Variants in VPS13B observed in about 807,000 individuals in gnomAD.
The protein encoded by VPS13B is intermembrane lipid transfer protein VPS13B.
In VPS13B, 285 loss-of-function variants were observed where a neutral mutation model predicts 426.4. The observed-to-expected ratio is 0.67, with a 90% confidence interval of 0.61 to 0.74. The LOEUF (loss-of-function observed/expected upper bound fraction) is 0.74, where lower values mean the gene tolerates loss of function less well. Ranked by LOEUF, VPS13B falls within the 30% of genes least tolerant of loss-of-function variation. VPS13B has a pLI of 0.00. For synonymous variants in VPS13B, 1,676 were observed against 1,676.4 expected, an observed-to-expected ratio of 1.00 and a Z score of 0.01; for missense variants, 4,537 against 4,782.6, an observed-to-expected ratio of 0.95 and a Z score of 1.51.
intron 17 of VPS13B, among the ~76,000 whole-genome samples, chr8:99,202,291 A>G (rs1814377185): frequency 6.6e-6 from 1 of 152,228 alleles, no homozygotes; most frequent in African/African-American, 2.4e-5. Context: ...CTTAGTGAAG[A>G]AAGTGTACAT....
At chr8:99,797,922 C>G (rs955655581) in intron 43 of VPS13B, among the ~76,000 whole-genome samples, 1 of 152,076 alleles carries the variant, frequency 6.6e-6, no homozygotes, top group African/African-American at 2.4e-5. Context: ...AATAGTTTCC[C>G]AGAAATCTAC....
chr8:99,824,488 AAAAT>A (rs1228622401), intron 51 of VPS13B, among the ~76,000 whole-genome samples: 1 of 152,234 alleles, frequency 6.6e-6, no homozygotes, highest in African/African-American at 2.4e-5. Context: ...GAATATATGG[AAAAT>A]AAATCTAAGA....
At chr8:99,150,372 T>C (rs1811001893) in intron 14 of VPS13B, among the ~76,000 whole-genome samples, 3 of 152,346 alleles carry the variant, frequency 2.0e-5, no homozygotes, top group Middle Eastern at 6.8e-3. Context: ...TTACAATTGA[T>C]GAACCTGTAT....
intron 2 of VPS13B, among the ~76,000 whole-genome samples, chr8:99,014,692 CAAA>C (rs574786628): frequency 3.3e-5 from 2 of 61,234 alleles, no homozygotes; most frequent in Non-Finnish European, 7.9e-5. Flanking sequence ...GAAAAAAAGA[CAAA>C]AAAAAAAAAA....
chr8:99,070,132 T>C (rs1389019367), intron 3 of VPS13B, among the ~76,000 whole-genome samples: 2 of 152,226 alleles, frequency 1.3e-5, no homozygotes, highest in African/African-American at 4.8e-5. Flanking sequence ...TAGGCTTGTC[T>C]TGAAATCCTG....
At chr8:99,090,951 G>A (rs957996498) in intron 3 of VPS13B, among the ~76,000 whole-genome samples, 1 of 152,070 alleles carries the variant, frequency 6.6e-6, no homozygotes, top group African/African-American at 2.4e-5. Context: ...AAAAAAAGTG[G>A]GAGAGGGAGG....
chr8:99,849,232 G>T (rs1435153377), intron 55 of VPS13B, among the ~76,000 whole-genome samples: 3 of 152,076 alleles, frequency 2.0e-5, no homozygotes, highest in African/African-American at 7.2e-5. Flanking sequence ...ATAAAACTTA[G>T]CAATTAGAGC....
intron 33 of VPS13B, among the ~76,000 whole-genome samples, chr8:99,594,129 T>G (rs1311418331): frequency 1.3e-5 from 2 of 151,586 alleles, no homozygotes; most frequent in Non-Finnish European, 2.9e-5. Flanking sequence ...TAAGAGAGAA[T>G]GGAGAGAATT....
intron 39 of VPS13B, among the ~76,000 whole-genome samples, 169 bp downstream of exon 39, chr8:99,721,216 T>TA (rs1279905942): frequency 1.3e-5 from 2 of 152,170 alleles, no homozygotes; most frequent in African/African-American, 4.8e-5. Context: ...AATGGGATTT[T>TA]AAAAAATAAG....
At chr8:99,332,602 C>G (rs3110398) in intron 19 of VPS13B, among the ~76,000 whole-genome samples, 111,200 of 151,412 alleles carry the variant, frequency 0.73, 41,581 homozygotes, top group South Asian at 0.87. Flanking sequence ...TCTGCATCCT[C>G]AGTTCAGTGC....
intron 39 of VPS13B, among the ~76,000 whole-genome samples, chr8:99,757,969 C>G (rs1052823286): frequency 6.6e-6 from 1 of 152,170 alleles, no homozygotes; most frequent in African/African-American, 2.4e-5. Flanking sequence ...TTCCCACTTC[C>G]CATGACTCAG....
At chr8:99,194,854 C>CT (rs1004935361) in intron 17 of VPS13B, among the ~76,000 whole-genome samples, 10 of 151,440 alleles carry the variant, frequency 6.6e-5, no homozygotes, top group African/African-American at 1.9e-4. Flanking sequence ...TTTCTTTTTT[C>CT]TTTTTTTTGT....
intron 33 of VPS13B, among the ~76,000 whole-genome samples, chr8:99,585,774 A>G (rs1235533694): frequency 6.6e-6 from 1 of 152,196 alleles, no homozygotes; most frequent in African/African-American, 2.4e-5. Context: ...ACAATAAGAC[A>G]AGAATGTCTG....
At chr8:99,744,793 G>A (rs975088851) in intron 39 of VPS13B, among the ~76,000 whole-genome samples, 3 of 151,626 alleles carry the variant, frequency 2.0e-5, no homozygotes, top group African/African-American at 7.3e-5. Context: ...ACACAGGAAG[G>A]GGAACATCAC....
At chr8:99,434,349 A>G (rs2133419356) in intron 22 of VPS13B, among the ~76,000 whole-genome samples, 1 of 152,302 alleles carries the variant, frequency 6.6e-6, no homozygotes, top group East Asian at 1.9e-4. Flanking sequence ...GTGGATGAAA[A>G]CACAGATGGT....
chr8:99,681,428 C>G (rs141271929), intron 35 of VPS13B, among the ~76,000 whole-genome samples: 26 of 152,318 alleles, frequency 1.7e-4, no homozygotes, highest in Non-Finnish European at 2.9e-4. Flanking sequence ...CCAGTCCCTC[C>G]AGGGTGAGGG....
intron 19 of VPS13B, among the ~76,000 whole-genome samples, chr8:99,363,048 G>T (rs1459873107): frequency 6.6e-6 from 1 of 152,152 alleles, no homozygotes; most frequent in Admixed American, 6.5e-5. Flanking sequence ...ATTTTTGCTT[G>T]TGGGGTATTA....
chr8:99,081,279 G>A (rs1845439286), intron 3 of VPS13B, among the ~76,000 whole-genome samples: 1 of 152,054 alleles, frequency 6.6e-6, no homozygotes. Context: ...CTGACTAAAT[G>A]CTTTGAGTCT....
intron 23 of VPS13B, among the ~76,000 whole-genome samples, chr8:99,457,125 G>A (rs374714845): frequency 1.6e-4 from 24 of 151,066 alleles, no homozygotes; most frequent in Middle Eastern, 3.4e-3. Flanking sequence ...TCTGCCTCCC[G>A]GGTTCAAGCC....
Sources: allele counts gnomAD v4.1 joint callset (sites outside exome capture counted in the v4.1 genomes callset), GRCh38; gene constraint gnomAD v4.1.1; transcripts MANE v1.5; gene names NCBI Gene and HGNC (gene_info 2026-07-23, HGNC 2026-07-21).